KLF12: variants seen among roughly 807,000 people sequenced by gnomAD.
KLF12 encodes Krueppel-like factor 12.
Under a neutral mutation model 37.8 loss-of-function variants are expected in KLF12, and 9 were observed. That is an observed-to-expected ratio of 0.24 (90% CI 0.14 to 0.42). The LOEUF is 0.42. KLF12 is among the 10% of genes least tolerant of loss of function. The pLI is 1.00. For missense variants in KLF12, 411 were observed against 516.0 expected, an observed-to-expected ratio of 0.80 and a Z score of 1.97; for synonymous variants, 208 against 202.1, an observed-to-expected ratio of 1.03 and a Z score of -0.25.
At chr13:73,815,079 C>T (rs889987487) in intron 4 of KLF12, among the ~76,000 whole-genome samples, 2 of 151,468 alleles carry the variant, frequency 1.3e-5, no homozygotes, top group African/African-American at 2.4e-5. Context: ...GACTCTGTAC[C>T]TCCTCAAATG....
chr13:73,914,948 G>A (rs1351097019), intron 3 of KLF12, among the ~76,000 whole-genome samples: 2 of 152,006 alleles, frequency 1.3e-5, no homozygotes, highest in East Asian at 1.9e-4. Context: ...TACCACAAAT[G>A]GAATGGCTTA....
chr13:74,257,510 A>G, the KLF12 span: 1 of 152,176 alleles, frequency 6.6e-6, no homozygotes, highest in Non-Finnish European at 1.5e-5. Context: ...GAGCAGGAAC[A>G]TGTATGGATG....
chr13:74,272,477 G>C, the KLF12 span, among the ~76,000 whole-genome samples: 1 of 152,186 alleles, frequency 6.6e-6, no homozygotes, highest in Non-Finnish European at 1.5e-5. Context: ...TATGATAGTT[G>C]TCATATTAAA....
chr13:73,714,591 T>C (rs955031971), intron 7 of KLF12, among the ~76,000 whole-genome samples: 1 of 152,152 alleles, frequency 6.6e-6, no homozygotes, highest in South Asian at 2.1e-4. Context: ...TTAGAAGAAG[T>C]GGTGGAACTG....
At chr13:73,787,187 ATAGT>A (rs1317093039) in intron 5 of KLF12, among the ~76,000 whole-genome samples, 1 of 152,226 alleles carries the variant, frequency 6.6e-6, no homozygotes, top group Non-Finnish European at 1.5e-5. Context: ...ACAACTATAT[ATAGT>A]TAATTTATGG....
chr13:74,270,608 T>C, the KLF12 span, among the ~76,000 whole-genome samples: 303 of 152,348 alleles, frequency 2.0e-3, 3 homozygotes, highest in African/African-American at 6.1e-3. Context: ...TTCATTTAGC[T>C]GTATGGCTTT....
intron 3 of KLF12, among the ~76,000 whole-genome samples, chr13:73,861,311 T>G (rs1337867842): frequency 1.3e-5 from 2 of 152,206 alleles, no homozygotes; most frequent in African/African-American, 4.8e-5. Context: ...GTGTGGGGAT[T>G]ACCTGTACCA....
At chr13:74,217,311 CTT>C in the KLF12 span, among the ~76,000 whole-genome samples, 1,340 of 144,888 alleles carry the variant, frequency 9.2e-3, 13 homozygotes, top group African/African-American at 0.027. Context: ...TAATAGATGA[CTT>C]TTTTTTTTTT....
chr13:74,195,229 A>G, the KLF12 span, among the ~76,000 whole-genome samples: 1 of 152,236 alleles, frequency 6.6e-6, no homozygotes, highest in Non-Finnish European at 1.5e-5. Context: ...GCAGAATTTA[A>G]TTTAACTACT....
intron 5 of KLF12, among the ~76,000 whole-genome samples, chr13:73,765,711 G>C (rs749232327): frequency 1.3e-5 from 2 of 152,128 alleles, no homozygotes; most frequent in Admixed American, 6.5e-5. Flanking sequence ...TCAAAGCCTA[G>C]CTAGTAAACC....
chr13:73,726,105 G>A (rs939079196), intron 6 of KLF12, among the ~76,000 whole-genome samples: 4 of 151,900 alleles, frequency 2.6e-5, no homozygotes, highest in Non-Finnish European at 5.9e-5. Flanking sequence ...CGCCCGCCTC[G>A]GCCTCCCAAA....
intron 1 of KLF12, among the ~76,000 whole-genome samples, chr13:74,051,755 C>T (rs1872940815): frequency 6.6e-6 from 1 of 152,004 alleles, no homozygotes; most frequent in African/African-American, 2.4e-5. Context: ...AACTTGGAAT[C>T]GTAAGATAAA....
chr13:74,080,734 T>C (rs1391782501), intron 1 of KLF12, among the ~76,000 whole-genome samples: 1 of 152,222 alleles, frequency 6.6e-6, no homozygotes, highest in East Asian at 1.9e-4. Context: ...ATGGCAGCCA[T>C]GTTTAACATT....
chr13:73,950,907 C>A (rs146615440), intron 2 of KLF12, among the ~76,000 whole-genome samples: 184 of 152,284 alleles, frequency 1.2e-3, no homozygotes, highest in African/African-American at 3.2e-3. Flanking sequence ...CTACCCACAA[C>A]AGTCCAGAGC....
chr13:73,845,930 C>A lies in KLF12; in HGVS notation c.567G>T (p.Val189=). 2 of 1,614,084 alleles carry A rather than the reference C, an allele frequency of 1.2e-6. No individual in the cohort carries two copies. Among genetic ancestry groups the A allele is most frequent in the South Asian group, 1.1e-5 (1 of 91,076 alleles). ...TGTAGACAACAGGCACCGACTGTAC[C>A]ACCACGGGGATGCGGTGAACATGAC... Residue 189 remains valine, a synonymous_variant, in exon 4 of 8, where the codon GTG becomes GTT. Transcript: ENST00000377669.
Position 73,788,640 on chromosome 13 carries a change from A to T in KLF12, c.807-23640T>A, listed in dbSNP as rs1038400577. Among the ~76,000 whole-genome samples the T allele has an allele frequency of 2.7e-5, 4 of 148,552 alleles. 1 individual carries two copies. Among genetic ancestry groups the T allele is most frequent in the Middle Eastern group, 6.4e-3 (2 of 312 alleles). On this transcript the variant is annotated intron_variant, in intron 5 of 7. Transcript: ENST00000377669. ...TCCCTTTATCTATAAATGCCTGCTA[A>T]TTTTTTTTTTTTATTTTTAAAGATT...
intron 1 of KLF12, among the ~76,000 whole-genome samples, chr13:74,047,902 A>AG (rs1428515184): frequency 6.6e-6 from 1 of 152,220 alleles, no homozygotes; most frequent in Non-Finnish European, 1.5e-5. Context: ...ACAGTGGCTT[A>AG]GACATTACTG....
intron 1 of KLF12, among the ~76,000 whole-genome samples, chr13:74,083,497 C>T (rs1269379742): frequency 2.3e-4 from 14 of 61,190 alleles, no homozygotes; most frequent in African/African-American, 7.1e-4. Flanking sequence ...ATAGGAGACA[C>T]ACACACACAC....
intron 6 of KLF12, among the ~76,000 whole-genome samples, chr13:73,750,773 C>T (rs77477301): frequency 0.017 from 2,593 of 152,154 alleles, 60 homozygotes; most frequent in African/African-American, 0.056. Context: ...TATTTTTTTC[C>T]TGATGCAGAA....
Sources: allele counts gnomAD v4.1 joint callset (sites outside exome capture counted in the v4.1 genomes callset), GRCh38; gene constraint gnomAD v4.1.1; transcripts MANE v1.5; gene names NCBI Gene and HGNC (gene_info 2026-07-23, HGNC 2026-07-21).